The following CDC42BPB variants were observed in gnomAD, a reference collection of about 807,000 sequenced individuals.
CDC42BPB encodes serine/threonine-protein kinase MRCK beta.
Under a neutral mutation model 214.9 loss-of-function variants are expected in CDC42BPB, and 37 were observed. The ratio of observed to expected loss-of-function variants is 0.17; its 90% CI spans 0.13 to 0.23. The LOEUF is 0.23. Ranked by LOEUF, CDC42BPB falls within the 10% of genes least tolerant of loss-of-function variation. CDC42BPB has a pLI of 1.00. For synonymous variants in CDC42BPB, 931 were observed against 884.0 expected (o/e 1.05, Z -0.94); for missense variants, 1,694 against 2,227.0 (o/e 0.76, Z 4.82).
At chr14:103,049,970 C>G (rs1888514692) in intron 1 of CDC42BPB, among the ~76,000 whole-genome samples, 1 of 152,200 alleles carries the variant, frequency 6.6e-6, no homozygotes, top group South Asian at 2.1e-4. Flanking sequence ...CTCGGCCTCC[C>G]AAAGTGCTGG....
intron 21 of CDC42BPB, among the ~76,000 whole-genome samples, chr14:102,955,978 G>C (rs983798776): frequency 6.6e-6 from 1 of 152,164 alleles, no homozygotes; most frequent in African/African-American, 2.4e-5. Context: ...ATTCACAAGG[G>C]AAAGGCTAGC....
At chr14:102,940,838 AGGAACCCGTGCTATGGGGGCGTG>A (rs1198348239) in intron 30 of CDC42BPB, 1 of 178,946 alleles carries the variant, frequency 5.6e-6, no homozygotes, top group African/African-American at 2.4e-5. Context: ...CTAGACCCCT[AGGAACCCGTGCTATGGGGGCGTG>A]GGAAGCCCCT....
chr14:102,958,175 G>A (rs1892795032), intron 21 of CDC42BPB, among the ~76,000 whole-genome samples: 1 of 152,228 alleles, frequency 6.6e-6, no homozygotes, highest in South Asian at 2.1e-4. Context: ...AGGGACACAT[G>A]GATATGGGCT....
intron 16 of CDC42BPB, among the ~76,000 whole-genome samples, 187 bp downstream of exon 16, chr14:102,968,066 G>T (rs377704381): frequency 6.6e-6 from 1 of 151,464 alleles, no homozygotes; most frequent in Non-Finnish European, 1.5e-5. Context: ...CTGCACTCCA[G>T]CCTGAGCGAC....
chr14:102,949,676 G>T, intron 26 of CDC42BPB, 89 bp downstream of exon 26: 1 of 1,534,252 alleles, frequency 6.5e-7, no homozygotes, highest in South Asian at 1.2e-5. Flanking sequence ...CTAATGAGGT[G>T]AAAGACTACT....
intron 29 of CDC42BPB, chr14:102,945,389 G>T: frequency 1.9e-6 from 1 of 537,502 alleles, no homozygotes; most frequent in Non-Finnish European, 3.5e-6. Context: ...AGCACATGTG[G>T]GAAAGCTGCA....
chr14:103,013,740 C>T (rs924510896), intron 1 of CDC42BPB, among the ~76,000 whole-genome samples: 5 of 152,226 alleles, frequency 3.3e-5, no homozygotes, highest in Non-Finnish European at 5.9e-5. Context: ...AGAAGCTGAG[C>T]GTTCCCCGGA....
At chr14:102,981,845 G>T (rs1894018340) in intron 7 of CDC42BPB, among the ~76,000 whole-genome samples, 1 of 152,202 alleles carries the variant, frequency 6.6e-6, no homozygotes, top group African/African-American at 2.4e-5. Flanking sequence ...AGACACCACA[G>T]ATACAATGAC....
intron 21 of CDC42BPB, among the ~76,000 whole-genome samples, chr14:102,957,968 A>G (rs1224891565): frequency 6.6e-6 from 1 of 152,228 alleles, no homozygotes; most frequent in Non-Finnish European, 1.5e-5. Context: ...TGAAGATGAA[A>G]CATCAGACAA....
chr14:102,964,706 T>C, intron 18 of CDC42BPB, 56 bp from the exon 19 acceptor site: 1 of 1,524,222 alleles, frequency 6.6e-7, no homozygotes, highest in Non-Finnish European at 8.8e-7. Context: ...CTTGTTAAAC[T>C]AATGTTAACA....
intron 2 of CDC42BPB, among the ~76,000 whole-genome samples, chr14:103,011,673 G>T (rs1886167724): frequency 6.6e-6 from 1 of 152,176 alleles, no homozygotes; most frequent in South Asian, 2.1e-4. Context: ...GAACCCAGAA[G>T]GCAAAGGTTG....
At chr14:102,955,808 T>C (rs1053649762) in intron 21 of CDC42BPB, among the ~76,000 whole-genome samples, 11 of 152,218 alleles carry the variant, frequency 7.2e-5, no homozygotes, top group East Asian at 3.8e-4. Context: ...GCCTAAAGCA[T>C]TGACAGCTGT....
In CDC42BPB at chr14:102,970,191, T is replaced by C; in HGVS notation, c.1955A>G (p.Asn652Ser). The change falls in exon 14 of 37, where the codon AAC (asparagine) becomes AGC (serine). Residue 652 changes from asparagine to serine, a missense_variant. Physicochemically the swap from Asn to Ser is conservative, Grantham distance 46. Coordinates refer to ENST00000361246, the MANE Select transcript of CDC42BPB (RefSeq NM_006035.4). ...CTCGCTTTCCATTTGCTTGCAGAAG[T>C]TCTCGCTGTGCTCACGAAGCTTGCG... is the stretch of plus-strand genomic sequence containing the variant. Reference protein sequence around the residue: ...KERKLREHSENFCKQMESELE... With the variant: ...KERKLREHSESFCKQMESELE... 6.2e-7 allele frequency: 1 copy of C among 1,614,008 alleles called. No individual in the cohort carries two copies. The highest frequency in any genetic ancestry group is 8.5e-7 in the Non-Finnish European group (1 of 1,180,000).
At chr14:102,968,166 C>T in intron 16 of CDC42BPB, 87 bp downstream of exon 16, 1 of 862,554 alleles carries the variant, frequency 1.2e-6, no homozygotes, top group Non-Finnish European at 1.9e-6. Context: ...TATATACCTA[C>T]TATGTACCCA....
chr14:103,006,794 T>A (rs1331052601), intron 3 of CDC42BPB, among the ~76,000 whole-genome samples: 1 of 152,272 alleles, frequency 6.6e-6, no homozygotes, highest in Non-Finnish European at 1.5e-5. Flanking sequence ...CTTGAGCTTT[T>A]CTGAGCATGC....
At chr14:102,965,163 C>T (rs1893141797) in intron 18 of CDC42BPB, among the ~76,000 whole-genome samples, 1 of 151,890 alleles carries the variant, frequency 6.6e-6, no homozygotes, top group Admixed American at 6.6e-5. Flanking sequence ...CCAACTCCTG[C>T]TCTCGTGATC....
intron 1 of CDC42BPB, among the ~76,000 whole-genome samples, chr14:103,055,190 A>T (rs1434452107): frequency 6.6e-6 from 1 of 152,230 alleles, no homozygotes; most frequent in African/African-American, 2.4e-5. Context: ...TGGGAGGCCG[A>T]GGCAGGTGGA....
chr14:103,007,413 G>A (rs879782862), intron 3 of CDC42BPB, among the ~76,000 whole-genome samples: 3 of 152,094 alleles, frequency 2.0e-5, no homozygotes, highest in African/African-American at 4.8e-5. Flanking sequence ...TACTGTTGTC[G>A]GCCCAAGGTG....
intron 10 of CDC42BPB, 38 bp downstream of exon 10, chr14:102,975,845 G>A (rs777430308): frequency 6.2e-7 from 1 of 1,613,852 alleles, no homozygotes; most frequent in South Asian, 1.1e-5. Flanking sequence ...CCTGGCCGCA[G>A]CGCCCCCGCC....
Sources: allele counts gnomAD v4.1 joint callset (sites outside exome capture counted in the v4.1 genomes callset), GRCh38; gene constraint gnomAD v4.1.1; transcripts MANE v1.5; gene names NCBI Gene and HGNC (gene_info 2026-07-23, HGNC 2026-07-21).